The following SH2D4A variants were observed in gnomAD, a reference collection of about 807,000 sequenced individuals.
SH2D4A encodes SH2 domain containing 4A, also known as SH2 domain-containing protein 4A.
In SH2D4A, 70 loss-of-function variants were observed where a neutral mutation model predicts 64.7. The observed-to-expected ratio is 1.08, with a 90% CI of 0.89 to 1.32. The LOEUF (loss-of-function observed/expected upper bound fraction) is 1.32, where lower values mean the gene tolerates loss of function less well. Ranked by LOEUF, SH2D4A falls within the 40% of genes most tolerant of loss-of-function variation. The pLI is 0.00. For missense variants in SH2D4A, 706 were observed against 540.1 expected (o/e 1.31, Z -3.04); for synonymous variants, 268 against 200.7 (o/e 1.34, Z -2.83).
chr8:19,394,865 T>C lies in SH2D4A; in HGVS notation c.*223T>C, dbSNP rs554812789. ...CCTCTGCTCAAAAGGGAGAAGAGTCTCAATTTCAGCAAGTACCTGTCATGA... is the reference window on the plus strand; with the variant it reads ...CCTCTGCTCAAAAGGGAGAAGAGTCCCAATTTCAGCAAGTACCTGTCATGA... On this transcript the variant is annotated 3_prime_UTR_variant, in exon 10 of 10. Transcript: ENST00000265807. The C allele has an allele frequency of 1.1e-5, 4 of 378,996 alleles. No homozygotes were observed. Among genetic ancestry groups the C allele is most frequent in the African/African-American group, 6.2e-5 (3 of 48,514 alleles). The allele number at this position is 378,996 out of a possible 1,614,324, so 23.5% of individuals were successfully genotyped here. A position where few individuals can be genotyped will look rare whatever the true frequency, so the allele number is the denominator to read the frequency against.
At chr8:19,318,103 G>T (rs1300398284) in intron 1 of SH2D4A, among the ~76,000 whole-genome samples, 1 of 151,898 alleles carries the variant, frequency 6.6e-6, no homozygotes. Context: ...AGAGATGTTG[G>T]TCATACTGGT....
chr8:19,320,868 T>G (rs1228839121), intron 2 of SH2D4A, among the ~76,000 whole-genome samples: 1 of 152,160 alleles, frequency 6.6e-6, no homozygotes, highest in African/African-American at 2.4e-5. Flanking sequence ...AAATAAAATT[T>G]TGTAAAATCA....
At chr8:19,323,412 G>C (rs564667854) in intron 2 of SH2D4A, among the ~76,000 whole-genome samples, 61 of 140,446 alleles carry the variant, frequency 4.3e-4, no homozygotes, top group African/African-American at 1.6e-3. Context: ...AGAGTCTCTT[G>C]CTCTGTCTCC....
chr8:19,317,751 C>T (rs925158986), intron 1 of SH2D4A, among the ~76,000 whole-genome samples: 8 of 152,072 alleles, frequency 5.3e-5, no homozygotes, highest in Non-Finnish European at 8.8e-5. Context: ...AACAACACTA[C>T]GATGGTCATA....
At position 19,364,302 on chromosome 8, in the gene SH2D4A, G is replaced by A. The variant is rs367649098; in HGVS notation, c.917+20G>A. On this transcript the variant is annotated intron_variant, in intron 7 of 9. Coordinates refer to ENST00000265807, the MANE Select transcript of SH2D4A (RefSeq NM_022071.4). Reference sequence around the variant, plus strand: ...TCTTAGGTAAGAAGCCACACAGATGGGTTTATGCATAAACATTGCAATGGG... The same window carrying A: ...TCTTAGGTAAGAAGCCACACAGATGAGTTTATGCATAAACATTGCAATGGG... 7.8e-4 allele frequency: 1,260 copies of A among 1,612,572 alleles called. 1 individual carries two copies. The highest frequency in any genetic ancestry group is 9.6e-4 in the Non-Finnish European group (1,131 of 1,179,018).
intron 8 of SH2D4A, among the ~76,000 whole-genome samples, chr8:19,376,450 A>C (rs1915419): frequency 0.052 from 7,945 of 151,998 alleles, 708 homozygotes; most frequent in African/African-American, 0.18. Context: ...GGCAAAACCC[A>C]ATCTCTACTA....
intron 7 of SH2D4A, among the ~76,000 whole-genome samples, chr8:19,372,056 A>G (rs1357483761): frequency 6.6e-6 from 1 of 152,162 alleles, no homozygotes; most frequent in Non-Finnish European, 1.5e-5. Flanking sequence ...ACACTTGGTG[A>G]GGTCATATTG....
At chr8:19,389,731 A>T (rs1489141821) in intron 8 of SH2D4A, among the ~76,000 whole-genome samples, 4 of 152,204 alleles carry the variant, frequency 2.6e-5, no homozygotes, top group Non-Finnish European at 5.9e-5. Flanking sequence ...CCTGGGCAAC[A>T]TGGCGAAACC....
chr8:19,386,786 T>A (rs1238410669), intron 8 of SH2D4A, among the ~76,000 whole-genome samples: 1 of 152,156 alleles, frequency 6.6e-6, no homozygotes, highest in East Asian at 1.9e-4. Context: ...ATCACATGCT[T>A]TTTTTAAAAA....
rs1426323322 is a variant in SH2D4A at position 19,364,220 on chromosome 8, A to C, written c.855A>C (p.Arg285Ser). Reference protein sequence around the residue: ...SPLRVPQKPERPPLPPKPQFL... With the variant: ...SPLRVPQKPESPPLPPKPQFL... The stretch of plus-strand genomic sequence containing the variant: ...TGCGTGTTCCGCAGAAACCAGAAAG[A>C]CCTCCCCTTCCACCCAAGCCTCAGT... Residue 285 changes from arginine to serine, a missense_variant, in exon 7 of 10, where the codon AGA (arginine) becomes AGC (serine). Arg to Ser is a moderately radical substitution (Grantham distance 110, BLOSUM62 -1). Transcript: ENST00000265807. The C allele has an allele frequency of 4.3e-6, 7 of 1,613,876 alleles. No individual in the cohort carries two copies. The highest frequency in any genetic ancestry group is 1.1e-5 in the South Asian group (1 of 91,070).
chr8:19,356,735 G>T (rs1379662637), intron 4 of SH2D4A, among the ~76,000 whole-genome samples: 1 of 152,202 alleles, frequency 6.6e-6, no homozygotes. Flanking sequence ...GCCAGGCAGG[G>T]AAACTGGGCA....
intron 4 of SH2D4A, among the ~76,000 whole-genome samples, chr8:19,355,698 C>T (rs1281691474): frequency 6.6e-6 from 1 of 152,188 alleles, no homozygotes; most frequent in Admixed American, 6.5e-5. Flanking sequence ...GCCCATCCAT[C>T]ACAGATGTTG....
At chr8:19,346,903 G>T (rs1188833512) in intron 4 of SH2D4A, among the ~76,000 whole-genome samples, 1 of 152,180 alleles carries the variant, frequency 6.6e-6, no homozygotes, top group Non-Finnish European at 1.5e-5. Context: ...TTATCAGGAG[G>T]CCAGGCTTCG....
rs1196576716 is a variant in SH2D4A at position 19,396,201 on chromosome 8, AAGC to A, written c.*1562_*1564del. 2.6e-5 allele frequency: 4 copies of A among 152,212 alleles called. No homozygotes were observed. The highest frequency in any genetic ancestry group is 6.5e-5 in the Admixed American group (1 of 15,290). The allele number at this position is 152,212 out of a possible 1,614,324, so 9.4% of individuals were successfully genotyped here. On this transcript the variant is annotated 3_prime_UTR_variant, in exon 10 of 10. Transcript: ENST00000265807. ...ACTCTTTTACATTGCCTTCTAATAA[AAGC>A]AGAATGATACAGCAGTGTTGTTACA...
rs149050414 is a variant in SH2D4A, at chr8:19,328,483, C to T, written c.182-4472C>T. On this transcript the variant is annotated intron_variant, in intron 2 of 9. Transcript: ENST00000265807. Reference sequence around the variant, plus strand: ...TCATCTTTGAGTCCTTCCTTAAATCCAGTGGCCTGAACCTTCCTAAATTCT... The same window carrying T: ...TCATCTTTGAGTCCTTCCTTAAATCTAGTGGCCTGAACCTTCCTAAATTCT... Among the ~76,000 whole-genome samples, 145 of 152,226 alleles carry T rather than the reference C, an allele frequency of 9.5e-4. 3 individuals carry two copies. The highest frequency in any genetic ancestry group is 3.2e-3 in the African/African-American group (134 of 41,544).
chr8:19,320,732 G>C (rs2052175696), intron 2 of SH2D4A, among the ~76,000 whole-genome samples: 1 of 145,056 alleles, frequency 6.9e-6, no homozygotes, highest in African/African-American at 2.5e-5. Flanking sequence ...CCACACCCCC[G>C]CCTTGCTGTT....
intron 9 of SH2D4A, 34 bp from the exon 10 acceptor site, chr8:19,394,516 T>TA: frequency 6.6e-7 from 1 of 1,505,566 alleles, no homozygotes; most frequent in Admixed American, 1.8e-5. Context: ...GGTCACTACT[T>TA]ACACTATCTG....
chr8:19,351,200 G>T (rs953630906), intron 4 of SH2D4A, among the ~76,000 whole-genome samples: 1 of 152,130 alleles, frequency 6.6e-6, no homozygotes. Context: ...GTTTAAAATT[G>T]CTGAGAAGAG....
intron 2 of SH2D4A, among the ~76,000 whole-genome samples, chr8:19,326,117 C>T (rs906475495): frequency 9.8e-5 from 15 of 152,350 alleles, no homozygotes; most frequent in Admixed American, 3.9e-4. Flanking sequence ...TGCCATCACT[C>T]ATGCAGAACG....
Sources: allele counts gnomAD v4.1 joint callset (sites outside exome capture counted in the v4.1 genomes callset), GRCh38; gene constraint gnomAD v4.1.1; transcripts MANE v1.5; gene names NCBI Gene and HGNC (gene_info 2026-07-23, HGNC 2026-07-21).